MSRA: variants seen among roughly 807,000 people sequenced by gnomAD.
The protein encoded by MSRA is methionine sulfoxide reductase A, also known as mitochondrial peptide methionine sulfoxide reductase.
Under a neutral mutation model 31.3 loss-of-function variants are expected in MSRA, and 54 were observed. That is an observed-to-expected ratio of 1.73 (90% CI 1.39 to 2.17). The LOEUF (loss-of-function observed/expected upper bound fraction) is 2.17. MSRA is among the 30% of genes most tolerant of loss of function. The probability of loss-of-function intolerance (pLI) is 0.00; values close to 1 mark genes in which losing one functional copy is unlikely to be tolerated. For missense variants in MSRA, 507 were observed against 300.9 expected (o/e 1.69, Z -5.07); for synonymous variants, 169 against 116.5 (o/e 1.45, Z -2.90).
chr8:10,171,382 T>C (rs527584754), intron 1 of MSRA, among the ~76,000 whole-genome samples: 55 of 152,040 alleles, frequency 3.6e-4, no homozygotes, highest in African/African-American at 1.3e-3. Flanking sequence ...TTTTTTTTTT[T>C]TTAACAGAGC....
At chr8:10,232,264 G>A (rs898611848) in intron 2 of MSRA, among the ~76,000 whole-genome samples, 2 of 152,230 alleles carry the variant, frequency 1.3e-5, no homozygotes, top group Non-Finnish European at 2.9e-5. Flanking sequence ...CTCCCTGTTG[G>A]TTTCCACTCT....
chr8:10,140,287 T>A (rs1280170500), intron 1 of MSRA, among the ~76,000 whole-genome samples: 1 of 152,202 alleles, frequency 6.6e-6, no homozygotes, highest in Non-Finnish European at 1.5e-5. Flanking sequence ...GAGAATCTTA[T>A]GACCTGCCAT....
chr8:10,123,035 G>A (rs972265360), intron 1 of MSRA, among the ~76,000 whole-genome samples: 3 of 152,162 alleles, frequency 2.0e-5, no homozygotes, highest in African/African-American at 4.8e-5. Context: ...TATATTCCTT[G>A]GAGTATATAC....
intron 5 of MSRA, among the ~76,000 whole-genome samples, chr8:10,355,946 G>A (rs1433159223): frequency 6.6e-6 from 1 of 151,812 alleles, no homozygotes; most frequent in Non-Finnish European, 1.5e-5. Context: ...CTAGAGCTAG[G>A]ATTGAGGAAG....
In MSRA at chr8:10,121,343, G is replaced by A. The variant is rs1478601990; in HGVS notation, c.142+66685G>A. Among the ~76,000 whole-genome samples, 5 of 152,162 alleles carry A rather than the reference G, an allele frequency of 3.3e-5. 1 individual carries two copies. The highest frequency in any genetic ancestry group is 4.1e-4 in the South Asian group (2 of 4,828). On this transcript the variant is annotated intron_variant, in intron 1 of 5. Coordinates refer to ENST00000317173, the MANE Select transcript of MSRA (RefSeq NM_012331.5). ...GAAGGACTTGTGGGCAGCACTGACC[G>A]TGCATCCACCTGAGGCTGGAGATTG... is the stretch of plus-strand genomic sequence containing the variant.
chr8:10,249,956 C>T (rs1255705646), intron 3 of MSRA, among the ~76,000 whole-genome samples: 1 of 152,128 alleles, frequency 6.6e-6, no homozygotes, highest in African/African-American at 2.4e-5. Flanking sequence ...GGAAAGGTGC[C>T]ACATGTAAAG....
At chr8:10,313,207 G>A (rs1801530528) in intron 4 of MSRA, among the ~76,000 whole-genome samples, 1 of 152,198 alleles carries the variant, frequency 6.6e-6, no homozygotes, top group African/African-American at 2.4e-5. Context: ...CATGATCTGT[G>A]AACTTCTCTC....
intron 1 of MSRA, among the ~76,000 whole-genome samples, chr8:10,117,390 A>G (rs1020965588): frequency 1.3e-5 from 2 of 152,252 alleles, no homozygotes; most frequent in African/African-American, 4.8e-5. Flanking sequence ...TGGGTCTGCC[A>G]GGTGCCCTGA....
intron 3 of MSRA, among the ~76,000 whole-genome samples, chr8:10,268,143 G>GC (rs1185481963): frequency 3.3e-5 from 5 of 152,328 alleles, no homozygotes; most frequent in African/African-American, 1.2e-4. Flanking sequence ...ATGAAGATGA[G>GC]CAGAGCAGTC....
At chr8:10,100,299 T>TTG (rs369069393) in intron 1 of MSRA, among the ~76,000 whole-genome samples, 102 of 152,068 alleles carry the variant, frequency 6.7e-4, no homozygotes, top group African/African-American at 2.3e-3. Flanking sequence ...GTCAGGAGCA[T>TTG]TGTGTATAGT....
intron 3 of MSRA, among the ~76,000 whole-genome samples, chr8:10,251,873 G>A (rs1462396050): frequency 2.0e-5 from 3 of 150,952 alleles, no homozygotes; most frequent in African/African-American, 7.3e-5. Flanking sequence ...GGGGGGGGGG[G>A]ACATAGGTCA....
intron 5 of MSRA, among the ~76,000 whole-genome samples, chr8:10,373,185 C>T (rs1316296020): frequency 6.6e-6 from 1 of 152,228 alleles, no homozygotes; most frequent in Non-Finnish European, 1.5e-5. Flanking sequence ...GCCACCGCGC[C>T]CAGCCGCTAA....
At position 10,245,172 on chromosome 8, in the gene MSRA, G is replaced by A. The variant is rs184219307; in HGVS notation, c.280G>A (p.Gly94Ser). The change falls in exon 3 of 6, where the codon GGT becomes AGT. Residue 94 changes from glycine (G) to serine (S), a missense_variant. Physicochemically the swap from Gly to Ser is moderately conservative, Grantham distance 56. Transcript: ENST00000317173. Reference sequence around the variant, plus strand: ...GAAAGGAGTGTATTCAACTCAAGTTGGTTTTGCAGGAGGCTATACTTCAAA... The same window carrying A: ...GAAAGGAGTGTATTCAACTCAAGTTAGTTTTGCAGGAGGCTATACTTCAAA... ...VLKGVYSTQV[G>S]FAGGYTSNPT... 1.6e-4 allele frequency: 261 copies of A among 1,613,654 alleles called. No individual in the cohort carries two copies. The Admixed American group carries it at 4.3e-3, about 27-fold the overall frequency.
intron 5 of MSRA, among the ~76,000 whole-genome samples, chr8:10,379,061 C>G (rs1805908429): frequency 1.3e-5 from 2 of 152,272 alleles, no homozygotes; most frequent in South Asian, 4.1e-4. Context: ...ATTAGTGCGT[C>G]TTTTCCATTG....
chr8:10,212,348 C>G (rs1057473930), intron 2 of MSRA, among the ~76,000 whole-genome samples: 1 of 151,964 alleles, frequency 6.6e-6, no homozygotes, highest in Admixed American at 6.6e-5. Flanking sequence ...TATAATGTCC[C>G]CCTTTAACGA....
At chr8:10,092,097 G>T (rs1447733862) in intron 1 of MSRA, among the ~76,000 whole-genome samples, 1 of 152,060 alleles carries the variant, frequency 6.6e-6, no homozygotes, top group African/African-American at 2.4e-5. Flanking sequence ...TACTCTTGCA[G>T]TGTCTTTGCT....
intron 4 of MSRA, among the ~76,000 whole-genome samples, chr8:10,305,339 A>G (rs947477495): frequency 1.3e-5 from 2 of 151,866 alleles, no homozygotes; most frequent in East Asian, 1.9e-4. Flanking sequence ...TCCTGCTTCA[A>G]GGTGCTGAAG....
chr8:10,095,990 C>T, intron 1 of MSRA: 1 of 1,436,908 alleles, frequency 7.0e-7, no homozygotes, highest in African/African-American at 1.4e-5. Context: ...TTCATCAATA[C>T]AAACCTGCTT....
chr8:10,341,797 G>T (rs1803443573), intron 5 of MSRA, among the ~76,000 whole-genome samples: 1 of 152,218 alleles, frequency 6.6e-6, no homozygotes, highest in Non-Finnish European at 1.5e-5. Flanking sequence ...TCTGTCTGCA[G>T]CTGTATCCGC....
Sources: gnomAD v4.1 joint callset for allele counts (sites outside exome capture counted in the v4.1 genomes callset) on GRCh38, gnomAD v4.1.1 for gene constraint, MANE v1.5 for transcripts, NCBI Gene and HGNC (gene_info 2026-07-23, HGNC 2026-07-21) for gene names.